The following WDR24 variants were observed in gnomAD, a reference collection of about 807,000 sequenced individuals.
WDR24 encodes WD repeat domain 24.
In WDR24, 32 loss-of-function variants were observed where a neutral mutation model predicts 66.7. That is an observed-to-expected ratio of 0.48 (90% CI 0.36 to 0.64). The LOEUF is 0.64. Among genes scored for constraint, WDR24 ranks in the 30% least tolerant of loss-of-function variants. The probability of loss-of-function intolerance (pLI) is 0.00; values close to 1 mark genes in which losing one functional copy is unlikely to be tolerated. For missense variants in WDR24, 978 were observed against 1,144.1 expected (o/e 0.85, Z 2.09); for synonymous variants, 565 against 469.1 (o/e 1.20, Z -2.64).
At position 685,138 on chromosome 16, in the gene WDR24, G is replaced by A. The variant is rs769556203; in HGVS notation, c.2058C>T (p.Arg686=). ...CGTTGGACACGTTCCAGAGGCGGAAGCGCTGCAGCAGGTCGATGTAGGAAG... is the reference window on the plus strand; with the variant it reads ...CGTTGGACACGTTCCAGAGGCGGAAACGCTGCAGCAGGTCGATGTAGGAAG... The part of the protein sequence containing the change: ...WYTSYIDLLQ[R]FRLWNVSNEV... The change falls in exon 8 of 9, where the codon CGC becomes CGT. Residue 686 remains arginine (R), a synonymous_variant. Transcript: ENST00000293883. The A allele has an allele frequency of 1.5e-5, 23 of 1,564,700 alleles. No individual in the cohort carries two copies. The South Asian group carries it at 2.3e-4, about 16-fold the overall frequency.
Position 687,074 on chromosome 16 carries a change from G to T in WDR24, c.1002C>A (p.Pro334=). 1 of 1,606,792 alleles carries T rather than the reference G, an allele frequency of 6.2e-7. No homozygotes were observed. The highest frequency in any genetic ancestry group is 8.5e-7 in the Non-Finnish European group (1 of 1,179,170). ...CQHLFRDASQ[P]VERANPEGLC... ...GGCCCTCAGGGTTGGCGCGCTCGACGGGCTGGCTGGCGTCGCGGAACAGGT... is the reference window on the plus strand; with the variant it reads ...GGCCCTCAGGGTTGGCGCGCTCGACTGGCTGGCTGGCGTCGCGGAACAGGT... The change falls in exon 3 of 9, where the codon CCC becomes CCA. Residue 334 remains proline, a synonymous_variant. Coordinates refer to ENST00000293883, the MANE Select transcript of WDR24 (RefSeq NM_032259.4).
Position 687,014 on chromosome 16 carries a change from G to A in WDR24, c.1062C>T (p.Ala354=), listed in dbSNP as rs768603751. 2.4e-5 allele frequency: 38 copies of A among 1,601,896 alleles called. No individual in the cohort carries two copies. The Admixed American group carries it at 5.7e-4, about 24-fold the overall frequency. Residue 354 remains alanine (A), a synonymous_variant, in exon 3 of 9, where the codon GCC becomes GCT. Coordinates refer to ENST00000293883, the MANE Select transcript of WDR24 (RefSeq NM_032259.4). ...CGGCAGCCACGAGGCTCTCCTTGGC[G>A]GCGAAGGCCAGGTCCCCGAAGAGGC... ...CYGLFGDLAF[A]AKESLVAAES...
At chr16:686,411 C>T (rs773604641) in intron 3 of WDR24, among the ~76,000 whole-genome samples, 2 of 152,186 alleles carry the variant, frequency 1.3e-5, no homozygotes, top group African/African-American at 2.4e-5. Context: ...TGGGGACTTG[C>T]GGGGCAGCTA....
chr16:685,191 G>A lies in WDR24; in HGVS notation c.2020-15C>T, dbSNP rs781547839. The stretch of plus-strand genomic sequence containing the variant: ...TACCAGTGCTCCTGGGGGAGGGAGC[G>A]CCCGGCAGTCAGGATCTGGGTGCCA... On this transcript the variant is annotated splice_polypyrimidine_tract_variant and intron_variant, in intron 7 of 8. Coordinates refer to ENST00000293883, the MANE Select transcript of WDR24 (RefSeq NM_032259.4). 6.3e-7 allele frequency: 1 copy of A among 1,593,088 alleles called. No individual in the cohort carries two copies. The highest frequency in any genetic ancestry group is 8.5e-7 in the Non-Finnish European group (1 of 1,169,628).
chr16:685,008 C>T lies in WDR24; in HGVS notation c.2188G>A (p.Gly730Ser). 6.5e-7 allele frequency: 1 copy of T among 1,550,166 alleles called. No individual in the cohort carries two copies. Among genetic ancestry groups the T allele is most frequent in the East Asian group, 2.4e-5 (1 of 41,312 alleles). ...SHCKRPMSSR[G>S]WVCDRCHRCA... ...CTGCCCCACCTGTCGCAGACCCAGC[C>T]CCGGCTGCTCATGGGCCGCTTGCAG... is the stretch of plus-strand genomic sequence containing the variant. The change falls in exon 8 of 9, where the codon GGC becomes AGC. Residue 730 changes from glycine to serine, a missense_variant. Coordinates refer to ENST00000293883, the MANE Select transcript of WDR24 (RefSeq NM_032259.4).
rs1170496298 is a variant in WDR24 at position 685,024 on chromosome 16, C to T, written c.2172G>A (p.Arg724=). The change falls in exon 8 of 9, where the codon CGG becomes CGA. Residue 724 remains arginine (R), a synonymous_variant. Transcript: ENST00000293883. ...AGACCCAGCCCCGGCTGCTCATGGGCCGCTTGCAGTGGCTGCAGTTGACGT... is the reference window on the plus strand; with the variant it reads ...AGACCCAGCCCCGGCTGCTCATGGGTCGCTTGCAGTGGCTGCAGTTGACGT... ...TLHVNCSHCK[R]PMSSRGWVCD... The T allele has an allele frequency of 1.3e-5, 20 of 1,555,150 alleles. No homozygotes were observed. The highest frequency in any genetic ancestry group is 1.7e-5 in the Non-Finnish European group (20 of 1,151,986).
At position 685,938 on chromosome 16, in the gene WDR24, G is replaced by A. The variant is rs149613346; in HGVS notation, c.1504C>T (p.Arg502Cys). Residue 502 changes from arginine to cysteine, a missense_variant, in exon 5 of 9, where the codon CGC (arginine) becomes TGC (cysteine). By Grantham distance (180) the Arg-to-Cys change is radical. Coordinates refer to ENST00000293883, the MANE Select transcript of WDR24 (RefSeq NM_032259.4). ...TCGCTCCGTGCATCTCCTTTGCTGC[G>A]GTCCAGCCGCGTCTCACTGCCCAAC... ...PGLGSETRLD[R>C]SKGDARSDTV... The A allele has an allele frequency of 3.0e-5, 49 of 1,612,954 alleles. No homozygotes were observed. The highest frequency in any genetic ancestry group is 3.3e-5 in the Non-Finnish European group (39 of 1,179,990).
chr16:688,977 G>T, intron 1 of WDR24, 183 bp downstream of exon 1: 1 of 927,154 alleles, frequency 1.1e-6, no homozygotes, highest in Non-Finnish European at 1.6e-6. Flanking sequence ...TGACTGCCCT[G>T]GCTCACATGC....
rs1270346425 is a variant in WDR24 at position 686,081 on chromosome 16, G to A, written c.1438C>T (p.Pro480Ser). The A allele has an allele frequency of 4.3e-6, 7 of 1,612,890 alleles. No individual in the cohort carries two copies. The highest frequency in any genetic ancestry group is 5.9e-6 in the Non-Finnish European group (7 of 1,179,968). The stretch of plus-strand genomic sequence containing the variant: ...CCCGGCATCTACCTGTTCATGAGCG[G>A]GAGGCCACAGGAGCCACCCTTGCCC... ...SVGKGGSCGL[P>S]LMNSFNLKDM... The change falls in exon 4 of 9, where the codon CCG (proline) becomes TCG (serine). Residue 480 changes from proline (P) to serine (S), a missense_variant. By Grantham distance (74) the Pro-to-Ser change is moderately conservative. This residue lies in a region of WDR24 where 676 missense variants were observed against 617.5 expected (regional missense o/e 1.09). Transcript: ENST00000293883.
rs562320081 is a variant in WDR24, at chr16:689,892, G to C, written c.-252C>G. On this transcript the variant is annotated 5_prime_UTR_variant, in exon 1 of 9. Transcript: ENST00000293883. Reference sequence around the variant, plus strand: ...GGCTGAGCGGTGAGGGGACTTCCTAGCTTCCCTTAGGCCTGTCAGTTTCAT... The same window carrying C: ...GGCTGAGCGGTGAGGGGACTTCCTACCTTCCCTTAGGCCTGTCAGTTTCAT... 23 of 697,910 alleles carry C rather than the reference G, an allele frequency of 3.3e-5. No individual in the cohort carries two copies. Among genetic ancestry groups the C allele is most frequent in the Non-Finnish European group, 5.4e-5 (21 of 386,540 alleles). 43.2% of individuals were successfully genotyped at this position (697,910 alleles called of 1,614,324 possible). A position where few individuals can be genotyped will look rare whatever the true frequency, so the allele number is the denominator to read the frequency against.
Position 684,989 on chromosome 16 carries a change from C to T in WDR24, c.2204+3G>A, listed in dbSNP as rs1276917650. 2.6e-6 allele frequency: 4 copies of T among 1,544,344 alleles called. No homozygotes were observed. In the East Asian group the frequency reaches 7.3e-5, roughly 28 times the overall value. On this transcript the variant is annotated splice_donor_region_variant and intron_variant, in intron 8 of 8. Transcript: ENST00000293883. ...GCCCCACCTCCCGACCCCACTGCCCCACCTGTCGCAGACCCAGCCCCGGCT... is the reference window on the plus strand; with the variant it reads ...GCCCCACCTCCCGACCCCACTGCCCTACCTGTCGCAGACCCAGCCCCGGCT...
At position 689,591 on chromosome 16, in the gene WDR24, G is replaced by C; in HGVS notation, c.50C>G (p.Thr17Arg). 2 of 1,612,912 alleles carry C rather than the reference G, an allele frequency of 1.2e-6. No homozygotes were observed. The highest frequency in any genetic ancestry group is 1.1e-5 in the South Asian group (1 of 91,064). The change falls in exon 1 of 9, where the codon ACA becomes AGA. Residue 17 changes from threonine to arginine, a missense_variant. By Grantham distance (71) the Thr-to-Arg change is moderately conservative (BLOSUM62 -1). This residue lies in a region of WDR24 where 302 missense variants were observed against 526.6 expected (regional missense o/e 0.57). Transcript: ENST00000293883. ...CAGGTGGCAGTGCATGGTGCGGCCT[G>C]TCAGCACGCTGCCACCCAGGGCTGT... ...VTTALGGSVL[T>R]GRTMHCHLDA...
rs1596568737 is a variant in WDR24, at chr16:689,911, G to C, written c.-271C>G. 5 of 670,642 alleles carry C rather than the reference G, an allele frequency of 7.5e-6. No individual in the cohort carries two copies. In the East Asian group the frequency reaches 1.5e-4, roughly 20 times the overall value. 41.5% of individuals were successfully genotyped at this position (670,642 alleles called of 1,614,324 possible). A position where few individuals can be genotyped will look rare whatever the true frequency, so the allele number is the denominator to read the frequency against. On this transcript the variant is annotated 5_prime_UTR_variant, in exon 1 of 9. Transcript: ENST00000293883. The stretch of plus-strand genomic sequence containing the variant: ...TTCCTAGCTTCCCTTAGGCCTGTCA[G>C]TTTCATGTCTGACTTCCACGGAAGA...
rs1352307335 is a variant in WDR24 at position 685,374 on chromosome 16, G to A, written c.1902C>T (p.Gly634=). 1.2e-6 allele frequency: 2 copies of A among 1,612,174 alleles called. No homozygotes were observed. The highest frequency in any genetic ancestry group is 1.1e-5 in the South Asian group (1 of 91,078). ...YDSRLPPDFF[G]VLVRDMLHFY... ...AGTGCAGCATGTCGCGCACCAGCAC[G>A]CCGAAGAAGTCGGGCGGCAGGCGGC... is the stretch of plus-strand genomic sequence containing the variant. The change falls in exon 7 of 9, where the codon GGC becomes GGT. Residue 634 remains glycine (G), a synonymous_variant. Transcript: ENST00000293883.
chr16:684,948 C>G, intron 8 of WDR24, 44 bp downstream of exon 8: 3 of 1,536,728 alleles, frequency 2.0e-6, no homozygotes, highest in Non-Finnish European at 2.6e-6. Flanking sequence ...GGCTGCTGCG[C>G]TGCCTGCAGG....
At chr16:687,499 T>G in intron 2 of WDR24, 63 bp downstream of exon 2, 8 of 1,592,984 alleles carry the variant, frequency 5.0e-6, no homozygotes, top group Non-Finnish European at 6.8e-6. Flanking sequence ...CCGGACTGTC[T>G]CATGGATCTG....
Position 684,632 on chromosome 16 carries a change from T to A in WDR24, c.*102A>T. On this transcript the variant is annotated 3_prime_UTR_variant, in exon 9 of 9. Transcript: ENST00000293883. ...CACGCAGTGCCGACAGCGGCTCTACTTCCTTTATTGAGGTCTCAAGTTCCA... is the reference window on the plus strand; with the variant it reads ...CACGCAGTGCCGACAGCGGCTCTACATCCTTTATTGAGGTCTCAAGTTCCA... The A allele has an allele frequency of 6.9e-7, 1 of 1,447,050 alleles. No homozygotes were observed. The highest frequency in any genetic ancestry group is 9.1e-7 in the Non-Finnish European group (1 of 1,102,216). 89.6% of individuals were successfully genotyped at this position (1,447,050 alleles called of 1,614,324 possible).
At position 685,449 on chromosome 16, in the gene WDR24, G is replaced by C. The variant is rs775785368; in HGVS notation, c.1827C>G (p.Pro609=). 4.4e-6 allele frequency: 7 copies of C among 1,607,174 alleles called. No homozygotes were observed. The highest frequency in any genetic ancestry group is 6.0e-6 in the Non-Finnish European group (7 of 1,175,460). ...ACAGGAGCGAGAAGGAGGAGTCCAC[G>C]GGGGCCAGGGAGGCCACATCCGCCT... is the stretch of plus-strand genomic sequence containing the variant. The part of the protein sequence containing the change: ...GSEADVASLA[P]VDSSFSLLSV... The change falls in exon 7 of 9, where the codon CCC becomes CCG. Residue 609 remains proline, a synonymous_variant. Coordinates refer to ENST00000293883, the MANE Select transcript of WDR24 (RefSeq NM_032259.4).
Position 685,571 on chromosome 16 carries a change from G to A in WDR24, c.1705C>T (p.Gln569Ter). The A allele has an allele frequency of 6.3e-7, 1 of 1,590,244 alleles. No individual in the cohort carries two copies. ...TCGTGGCGCAGCGGAAAGGCCTCCTGCGGCAGCACGCACTCAGGGTCCTCG... is the reference window on the plus strand; with the variant it reads ...TCGTGGCGCAGCGGAAAGGCCTCCTACGGCAGCACGCACTCAGGGTCCTCG... ...HPEDPECVLP[Q>*]EAFPLRHEIV... The change falls in exon 7 of 9, where the codon CAG (glutamine) becomes TAG (stop). Residue 569 changes from glutamine to a stop codon, truncating the protein, a stop_gained. Transcript: ENST00000293883. LOFTEE classifies it high-confidence loss of function.
Sources: gnomAD v4.1 joint callset for allele counts (sites outside exome capture counted in the v4.1 genomes callset) on GRCh38, gnomAD v4.1.1 for gene constraint, gnomAD v4.1.1 regional missense constraint, MANE v1.5 for transcripts, NCBI Gene and HGNC (gene_info 2026-07-23, HGNC 2026-07-21) for gene names.